Variants in RAB1A observed in about 807,000 individuals in gnomAD.
The protein encoded by RAB1A is ras-related protein Rab-1A.
RAB1A carries 2 observed loss-of-function variants against 26.0 expected under a neutral mutation model. That is an observed-to-expected ratio of 0.08 (90% confidence interval 0.03 to 0.24). The LOEUF is 0.24. Among genes scored for constraint, RAB1A ranks in the 10% least tolerant of loss-of-function variants. RAB1A has a pLI of 1.00. For missense variants in RAB1A, 100 were observed against 247.0 expected (o/e 0.40, Z 3.99); for synonymous variants, 84 against 84.9 (o/e 0.99, Z 0.06).
chr2:65,115,110 C>T (rs1183051069), intron 1 of RAB1A, among the ~76,000 whole-genome samples: 2 of 152,190 alleles, frequency 1.3e-5, no homozygotes, highest in Non-Finnish European at 2.9e-5. Context: ...AAGTTCCCAG[C>T]CTCCAGAACC....
intron 1 of RAB1A, chr2:65,105,335 T>C: frequency 5.6e-6 from 1 of 179,208 alleles, no homozygotes; most frequent in Non-Finnish European, 1.2e-5. Flanking sequence ...TGAAACCCCG[T>C]CTCCATTAAA....
intron 1 of RAB1A, among the ~76,000 whole-genome samples, chr2:65,107,046 C>A (rs1352918054): frequency 6.6e-6 from 1 of 151,984 alleles, no homozygotes; most frequent in African/African-American, 2.4e-5. Flanking sequence ...AGCCACCATG[C>A]CTGGCCCCAA....
At chr2:65,128,461 G>GA (rs201672219) in intron 1 of RAB1A, among the ~76,000 whole-genome samples, 156 of 151,870 alleles carry the variant, frequency 1.0e-3, no homozygotes, top group African/African-American at 3.4e-3. Context: ...TGGAGCCCTT[G>GA]AAAAAAAATT....
chr2:65,112,574 T>C (rs527706660), intron 1 of RAB1A, among the ~76,000 whole-genome samples: 3 of 152,288 alleles, frequency 2.0e-5, no homozygotes, highest in African/African-American at 7.2e-5. Context: ...TAGTGAAAAA[T>C]TCTGTTGAAC....
chr2:65,109,363 T>C (rs1035672787), intron 1 of RAB1A, among the ~76,000 whole-genome samples: 10 of 152,224 alleles, frequency 6.6e-5, no homozygotes, highest in Admixed American at 1.3e-4. Flanking sequence ...TACAATAATA[T>C]AATTTTGACT....
chr2:65,123,041 T>C (rs1670006309), intron 1 of RAB1A, among the ~76,000 whole-genome samples: 1 of 145,672 alleles, frequency 6.9e-6, no homozygotes, highest in African/African-American at 2.6e-5. Context: ...CTATTCAAAC[T>C]ACAAATAGTG....
At chr2:65,114,639 C>T (rs916358147) in intron 1 of RAB1A, among the ~76,000 whole-genome samples, 7 of 151,474 alleles carry the variant, frequency 4.6e-5, no homozygotes, top group African/African-American at 7.3e-5. Context: ...GTCAGGAGAT[C>T]GAGACCATCC....
chr2:65,112,182 G>A (rs1307871101), intron 1 of RAB1A, among the ~76,000 whole-genome samples: 1 of 141,870 alleles, frequency 7.0e-6, no homozygotes. Flanking sequence ...GTCTTGCTCT[G>A]TTGCCTAGGC....
intron 1 of RAB1A, among the ~76,000 whole-genome samples, chr2:65,123,529 T>C (rs1439832963): frequency 6.6e-6 from 1 of 151,872 alleles, no homozygotes; most frequent in African/African-American, 2.4e-5. Context: ...GAAAGCAAAA[T>C]TCCCTTTAAA....
At chr2:65,105,610 G>A (rs1267500268) in intron 1 of RAB1A, among the ~76,000 whole-genome samples, 1 of 149,642 alleles carries the variant, frequency 6.7e-6, no homozygotes, top group African/African-American at 2.5e-5. Flanking sequence ...CTAGCATCCA[G>A]CTTGAATTCT....
At chr2:65,121,072 A>G (rs938943337) in intron 1 of RAB1A, among the ~76,000 whole-genome samples, 2 of 151,918 alleles carry the variant, frequency 1.3e-5, no homozygotes, top group Non-Finnish European at 2.9e-5. Flanking sequence ...CATAGGCAAC[A>G]TAGCGACATC....
rs1669073064 is a variant in RAB1A at position 65,087,907 on chromosome 2, A to G, written c.*586T>C. On this transcript the variant is annotated 3_prime_UTR_variant, in exon 6 of 6. Coordinates refer to ENST00000409784, the MANE Select transcript of RAB1A (RefSeq NM_004161.5). Reference sequence around the variant, plus strand: ...TTCCAATAAGTACAATATTTATTAAACATATCTTCAGTTGTTTTGTTACAT... The same window carrying G: ...TTCCAATAAGTACAATATTTATTAAGCATATCTTCAGTTGTTTTGTTACAT... 1 of 152,730 alleles carries G rather than the reference A, an allele frequency of 6.5e-6. No individual in the cohort carries two copies. The highest frequency in any genetic ancestry group is 1.5e-5 in the Non-Finnish European group (1 of 68,094). 9.5% of individuals were successfully genotyped at this position (152,730 alleles called of 1,614,324 possible). A position where few individuals can be genotyped will look rare whatever the true frequency, so the allele number is the denominator to read the frequency against.
chr2:65,113,757 A>G (rs1177324592), intron 1 of RAB1A, among the ~76,000 whole-genome samples: 2 of 152,226 alleles, frequency 1.3e-5, no homozygotes, highest in Non-Finnish European at 2.9e-5. Flanking sequence ...AGAATTTTTT[A>G]AAGTATAACC....
chr2:65,126,353 A>C (rs72818299), intron 1 of RAB1A, among the ~76,000 whole-genome samples: 14,185 of 151,914 alleles, frequency 0.093, 954 homozygotes, highest in Non-Finnish European at 0.14. Context: ...ACAAAAAAAA[A>C]CACAAACAGC....
At chr2:65,125,724 T>C (rs1670082370) in intron 1 of RAB1A, among the ~76,000 whole-genome samples, 1 of 151,960 alleles carries the variant, frequency 6.6e-6, no homozygotes, top group South Asian at 2.1e-4. Context: ...ATGTTAAGCA[T>C]TTCTTAATGT....
chr2:65,106,144 G>C (rs1377516458), intron 1 of RAB1A, among the ~76,000 whole-genome samples: 1 of 152,118 alleles, frequency 6.6e-6, no homozygotes, highest in Non-Finnish European at 1.5e-5. Flanking sequence ...ATGGAACTAA[G>C]ACAACATTAT....
intron 1 of RAB1A, among the ~76,000 whole-genome samples, chr2:65,112,253 T>A (rs1669717664): frequency 6.6e-6 from 1 of 151,432 alleles, no homozygotes; most frequent in Non-Finnish European, 1.5e-5. Context: ...GTTCAAGCGA[T>A]TCACCTGCCT....
chr2:65,091,686 C>T (rs1442949253), intron 3 of RAB1A, among the ~76,000 whole-genome samples: 1 of 152,070 alleles, frequency 6.6e-6, no homozygotes, highest in Non-Finnish European at 1.5e-5. Flanking sequence ...CCACCACACC[C>T]GGCTAATTTT....
At chr2:65,112,094 A>C (rs1669712772) in intron 1 of RAB1A, among the ~76,000 whole-genome samples, 1 of 152,120 alleles carries the variant, frequency 6.6e-6, no homozygotes, top group Non-Finnish European at 1.5e-5. Context: ...AAAAAAACAA[A>C]ACAAAACAAA....
Sources: allele counts gnomAD v4.1 joint callset (sites outside exome capture counted in the v4.1 genomes callset), GRCh38; gene constraint gnomAD v4.1.1; transcripts MANE v1.5; gene names NCBI Gene and HGNC (gene_info 2026-07-23, HGNC 2026-07-21).